Variants in MGRN1 observed in about 807,000 individuals in gnomAD.
MGRN1 encodes E3 ubiquitin-protein ligase MGRN1.
MGRN1 carries 29 observed loss-of-function variants against 69.2 expected under a neutral mutation model. The ratio of observed to expected loss-of-function variants is 0.42; its 90% CI spans 0.31 to 0.57. The LOEUF (loss-of-function observed/expected upper bound fraction) is 0.57, where lower values mean the gene tolerates loss of function less well. Ranked by LOEUF, MGRN1 falls within the 20% of genes least tolerant of loss-of-function variation. The pLI is 0.15. For synonymous variants in MGRN1, 470 were observed against 344.2 expected (o/e 1.37, Z -4.04); for missense variants, 998 against 796.2 (o/e 1.25, Z -3.05).
chr16:4,666,014 T>A (rs1289836220), intron 7 of MGRN1, among the ~76,000 whole-genome samples: 1 of 151,966 alleles, frequency 6.6e-6, no homozygotes, highest in Non-Finnish European at 1.5e-5. Flanking sequence ...GTATTTTCAG[T>A]AGAGACAGGG....
chr16:4,642,250 C>T (rs1044517239), intron 1 of MGRN1, among the ~76,000 whole-genome samples: 1 of 151,868 alleles, frequency 6.6e-6, no homozygotes, highest in South Asian at 2.1e-4. Context: ...CCTGTCTCAG[C>T]CTCCCGAGTA....
chr16:4,665,167 C>T lies in MGRN1; in HGVS notation c.678+16C>T, dbSNP rs1298264194. The T allele has an allele frequency of 1.2e-6, 2 of 1,614,062 alleles. No individual in the cohort carries two copies. The highest frequency in any genetic ancestry group is 1.7e-6 in the Non-Finnish European group (2 of 1,179,968). On this transcript the variant is annotated intron_variant, in intron 7 of 16. Coordinates refer to ENST00000262370, the MANE Select transcript of MGRN1 (RefSeq NM_015246.4). ...CTTTGAAAAGGTAAGTGCCATCTGG[C>T]CATCACTTTCCCGGGGACCTGGGAG...
At chr16:4,683,024 CA>C (rs1182279815) in intron 14 of MGRN1, 78 bp downstream of exon 14, 23 of 1,485,842 alleles carry the variant, frequency 1.5e-5, no homozygotes, top group Admixed American at 2.3e-5. Flanking sequence ...AATCAGACCC[CA>C]TCCCACTGCC....
chr16:4,649,238 A>G (rs956393829), intron 1 of MGRN1: 2 of 152,332 alleles, frequency 1.3e-5, no homozygotes, highest in African/African-American at 4.8e-5. Flanking sequence ...TGGAAAGTAC[A>G]CAGGGCTCAG....
At chr16:4,654,582 A>G (rs1475169426) in intron 4 of MGRN1, among the ~76,000 whole-genome samples, 2 of 152,092 alleles carry the variant, frequency 1.3e-5, no homozygotes, top group Non-Finnish European at 2.9e-5. Flanking sequence ...GCATCTGGGG[A>G]TAGGGTGTGG....
At chr16:4,625,232 C>A (rs1567159217) in intron 1 of MGRN1, among the ~76,000 whole-genome samples, 184 bp downstream of exon 1, 3 of 152,174 alleles carry the variant, frequency 2.0e-5, no homozygotes, top group African/African-American at 7.2e-5. Flanking sequence ...CCCGGAGGAA[C>A]CTGCCCGAGC....
chr16:4,675,375 G>A (rs1450991537), intron 10 of MGRN1, among the ~76,000 whole-genome samples: 1 of 152,108 alleles, frequency 6.6e-6, no homozygotes, highest in Non-Finnish European at 1.5e-5. Flanking sequence ...AAAGTGTTGG[G>A]ATTATGGGCA....
At chr16:4,684,361 C>T (rs1393886683) in intron 16 of MGRN1, among the ~76,000 whole-genome samples, 2 of 152,256 alleles carry the variant, frequency 1.3e-5, no homozygotes, top group African/African-American at 4.8e-5. Flanking sequence ...TGCTGGGTGC[C>T]ACGTGCGCTC....
At chr16:4,650,647 G>C in intron 2 of MGRN1, 164 bp downstream of exon 2, 1 of 557,600 alleles carries the variant, frequency 1.8e-6, no homozygotes, top group South Asian at 2.7e-5. Flanking sequence ...CACGTGCCCT[G>C]GAATGGGTTG....
chr16:4,672,517 G>T (rs983399509), intron 9 of MGRN1: 2 of 454,706 alleles, frequency 4.4e-6, no homozygotes, highest in East Asian at 7.0e-5. Context: ...ACCCAGGGAA[G>T]TCAGTGCATT....
At chr16:4,675,579 A>C (rs1449069139) in intron 10 of MGRN1, among the ~76,000 whole-genome samples, 2 of 152,066 alleles carry the variant, frequency 1.3e-5, no homozygotes, top group Non-Finnish European at 2.9e-5. Context: ...TCTGTACAAA[A>C]AGTTAAAAGT....
At chr16:4,673,468 C>A (rs760282330) in intron 9 of MGRN1, 30 bp from the exon 10 acceptor site, 3 of 1,605,230 alleles carry the variant, frequency 1.9e-6, no homozygotes, top group South Asian at 2.2e-5. Context: ...CTTTGGGAGG[C>A]TGCTGACCCA....
At position 4,645,030 on chromosome 16, in the gene MGRN1, A is replaced by T. The variant is rs183923738; in HGVS notation, c.89-5335A>T. On this transcript the variant is annotated intron_variant, in intron 1 of 16. Transcript: ENST00000262370. ...AAACTTAATTTTAAAAAGATAAAGG[A>T]AAAAATTAATAATCACTTATTACCT... is the stretch of plus-strand genomic sequence containing the variant. Among the ~76,000 whole-genome samples the T allele has an allele frequency of 7.0e-3, 1,067 of 152,246 alleles. 17 individuals carry two copies. The highest frequency in any genetic ancestry group is 0.025 in the African/African-American group (1,023 of 41,524).
At chr16:4,664,893 C>G in intron 6 of MGRN1, 118 bp downstream of exon 6, 1 of 1,388,900 alleles carries the variant, frequency 7.2e-7, no homozygotes, top group South Asian at 1.2e-5. Context: ...CCTTGGGCTT[C>G]CCACAGGGCA....
chr16:4,681,821 G>A (rs752413423), intron 13 of MGRN1, 45 bp downstream of exon 13: 15 of 1,567,668 alleles, frequency 9.6e-6, no homozygotes, highest in African/African-American at 8.1e-5. Context: ...GTGTGGTGGC[G>A]CGCGTGCGGA....
rs1026906864 is a variant in MGRN1 at position 4,689,186 on chromosome 16, G to A, written c.*278G>A. 3 of 406,926 alleles carry A rather than the reference G, an allele frequency of 7.4e-6. No homozygotes were observed. Among genetic ancestry groups the A allele is most frequent in the African/African-American group, 2.0e-5 (1 of 49,430 alleles). 25.2% of individuals were successfully genotyped at this position (406,926 alleles called of 1,614,324 possible). ...CGTTCCCCAGGGTCCTGTGGGCTGA[G>A]CGGCTGGGGCTGGGGCTGCCCACGT... On this transcript the variant is annotated 3_prime_UTR_variant, in exon 17 of 17. Coordinates refer to ENST00000262370, the MANE Select transcript of MGRN1 (RefSeq NM_015246.4).
chr16:4,682,471 C>T (rs748337030), intron 13 of MGRN1, among the ~76,000 whole-genome samples: 8 of 152,186 alleles, frequency 5.3e-5, no homozygotes. Flanking sequence ...CCCTCCATGC[C>T]CACGAGGAGG....
At chr16:4,666,051 C>G (rs554537680) in intron 7 of MGRN1, among the ~76,000 whole-genome samples, 18 of 151,814 alleles carry the variant, frequency 1.2e-4, no homozygotes, top group Non-Finnish European at 2.4e-4. Context: ...AGGATGGTCT[C>G]GATCTCCTGC....
intron 8 of MGRN1, 139 bp downstream of exon 8, chr16:4,668,451 T>C (rs1335285695): frequency 1.5e-5 from 13 of 840,718 alleles, no homozygotes; most frequent in Non-Finnish European, 2.4e-5. Context: ...TCATACACAT[T>C]CACTTGCACA....
Sources: allele counts gnomAD v4.1 joint callset (sites outside exome capture counted in the v4.1 genomes callset), GRCh38; gene constraint gnomAD v4.1.1; transcripts MANE v1.5; gene names NCBI Gene and HGNC (gene_info 2026-07-23, HGNC 2026-07-21).